KCNIP4: variants seen among roughly 807,000 people sequenced by gnomAD.
The protein encoded by KCNIP4 is Kv channel-interacting protein 4.
KCNIP4 carries 12 observed loss-of-function variants against 34.0 expected under a neutral mutation model. The ratio of observed to expected loss-of-function variants is 0.35; its 90% CI spans 0.23 to 0.57. The LOEUF is 0.57. Among genes scored for constraint, KCNIP4 ranks in the 20% least tolerant of loss-of-function variants. The pLI is 0.83. For missense variants in KCNIP4, 238 were observed against 311.7 expected (o/e 0.76, Z 1.78); for synonymous variants, 124 against 102.2 (o/e 1.21, Z -1.29).
chr4:21,675,724 T>A (rs1413462055), intron 1 of KCNIP4, among the ~76,000 whole-genome samples: 1 of 152,146 alleles, frequency 6.6e-6, no homozygotes, highest in Non-Finnish European at 1.5e-5. Context: ...GAGTCACATG[T>A]TTTAGGGTGT....
chr4:20,997,551 G>A (rs957453944), intron 1 of KCNIP4, among the ~76,000 whole-genome samples: 4 of 152,172 alleles, frequency 2.6e-5, no homozygotes, highest in East Asian at 1.9e-4. Flanking sequence ...AGAAAGAACT[G>A]CACAACCAAG....
At chr4:21,420,898 G>A (rs1725396044) in intron 1 of KCNIP4, among the ~76,000 whole-genome samples, 1 of 152,106 alleles carries the variant, frequency 6.6e-6, no homozygotes, top group South Asian at 2.1e-4. Context: ...ATTTGATAAG[G>A]GGTTAATATC....
At chr4:20,799,374 C>T (rs578144946) in intron 3 of KCNIP4, among the ~76,000 whole-genome samples, 2 of 152,290 alleles carry the variant, frequency 1.3e-5, no homozygotes, top group Non-Finnish European at 1.5e-5. Flanking sequence ...TGATACAGTG[C>T]CCTGCTCCCC....
intron 1 of KCNIP4, among the ~76,000 whole-genome samples, chr4:21,620,673 G>T (rs1387340160): frequency 6.6e-6 from 1 of 152,152 alleles, no homozygotes; most frequent in Non-Finnish European, 1.5e-5. Context: ...AGATTTCCCT[G>T]AACAATCAGC....
At chr4:21,500,824 C>T (rs1733261196) in intron 1 of KCNIP4, among the ~76,000 whole-genome samples, 1 of 152,074 alleles carries the variant, frequency 6.6e-6, no homozygotes, top group Non-Finnish European at 1.5e-5. Context: ...AAATTTTCGA[C>T]TATGGGAAGT....
At chr4:21,075,384 A>C (rs553041033) in intron 1 of KCNIP4, among the ~76,000 whole-genome samples, 38 of 152,264 alleles carry the variant, frequency 2.5e-4, no homozygotes, top group Admixed American at 2.3e-3. Context: ...TCCCTTTACC[A>C]TTATGTAATG....
At chr4:21,882,708 G>A (rs1726527281) in intron 1 of KCNIP4, among the ~76,000 whole-genome samples, 1 of 151,962 alleles carries the variant, frequency 6.6e-6, no homozygotes, top group African/African-American at 2.4e-5. Context: ...GGAAAGGGCA[G>A]AGGGAGTTTG....
chr4:21,786,687 C>A (rs1269662459), intron 1 of KCNIP4, among the ~76,000 whole-genome samples: 1 of 151,636 alleles, frequency 6.6e-6, no homozygotes, highest in Non-Finnish European at 1.5e-5. Context: ...CCTGCCTCAG[C>A]CTCCCGAGTA....
chr4:21,279,765 A>G (rs145170988), intron 1 of KCNIP4, among the ~76,000 whole-genome samples: 74 of 152,170 alleles, frequency 4.9e-4, no homozygotes, highest in Admixed American at 3.2e-3. Context: ...GTCACGTACT[A>G]TAATCTATTT....
chr4:21,400,628 T>C (rs1000934290), intron 1 of KCNIP4, among the ~76,000 whole-genome samples: 2 of 151,868 alleles, frequency 1.3e-5, no homozygotes, highest in African/African-American at 2.4e-5. Flanking sequence ...AATTATGATG[T>C]TGTTTATCAA....
intron 1 of KCNIP4, among the ~76,000 whole-genome samples, chr4:21,695,882 T>C (rs1376638848): frequency 2.0e-5 from 3 of 152,108 alleles, no homozygotes; most frequent in African/African-American, 7.2e-5. Flanking sequence ...TGTGACATGA[T>C]ACCATAAATG....
chr4:21,590,215 G>T (rs1388280369), intron 1 of KCNIP4, among the ~76,000 whole-genome samples: 1 of 152,044 alleles, frequency 6.6e-6, no homozygotes, highest in Non-Finnish European at 1.5e-5. Flanking sequence ...ACTCATTCTG[G>T]TTGGAAAGGG....
At chr4:21,399,111 C>T (rs1006338904) in intron 1 of KCNIP4, among the ~76,000 whole-genome samples, 3 of 152,328 alleles carry the variant, frequency 2.0e-5, no homozygotes, top group East Asian at 1.9e-4. Flanking sequence ...ACGTTAGCAC[C>T]TCAACCTAGA....
intron 1 of KCNIP4, among the ~76,000 whole-genome samples, chr4:21,271,900 G>C (rs184359250): frequency 1.4e-4 from 22 of 152,284 alleles, no homozygotes; most frequent in Admixed American, 9.8e-4. Flanking sequence ...GCAAGGCAGA[G>C]AGGTAAAACT....
At chr4:21,623,158 G>T (rs1200518670) in intron 1 of KCNIP4, among the ~76,000 whole-genome samples, 1 of 152,086 alleles carries the variant, frequency 6.6e-6, no homozygotes, top group Non-Finnish European at 1.5e-5. Flanking sequence ...TTCTGAATTT[G>T]ACATTGTGTG....
intron 1 of KCNIP4, among the ~76,000 whole-genome samples, chr4:21,691,258 G>C (rs953685015): frequency 6.6e-6 from 1 of 152,138 alleles, no homozygotes; most frequent in African/African-American, 2.4e-5. Flanking sequence ...AGGAAAATGA[G>C]ACCAGCATTT....
At chr4:21,443,300 C>A (rs1727653883) in intron 1 of KCNIP4, among the ~76,000 whole-genome samples, 1 of 152,184 alleles carries the variant, frequency 6.6e-6, no homozygotes, top group Admixed American at 6.5e-5. Flanking sequence ...AGTCCTGACA[C>A]TCCTATCCCT....
intron 1 of KCNIP4, among the ~76,000 whole-genome samples, chr4:21,475,940 C>T (rs370443741): frequency 1.2e-4 from 19 of 152,114 alleles, no homozygotes; most frequent in East Asian, 1.2e-3. Flanking sequence ...TTTTCCAATG[C>T]GCTGTTATTA....
chr4:21,844,931 A>G (rs758092517), intron 1 of KCNIP4: 1 of 146,808 alleles, frequency 6.8e-6, no homozygotes, highest in Non-Finnish European at 1.5e-5. Context: ...ATAACTTATC[A>G]TATTGGTAAT....
Sources: allele counts gnomAD v4.1 joint callset (sites outside exome capture counted in the v4.1 genomes callset), GRCh38; gene constraint gnomAD v4.1.1; transcripts MANE v1.5; gene names NCBI Gene and HGNC (gene_info 2026-07-23, HGNC 2026-07-21).